PLEKHA6: variants seen among roughly 807,000 people sequenced by gnomAD.
PLEKHA6 encodes the protein pleckstrin homology domain containing A6, also known as pleckstrin homology domain-containing family A member 6.
A neutral mutation model predicts 116.7 loss-of-function variants in PLEKHA6; 60 were observed. The ratio of observed to expected loss-of-function variants is 0.51; its 90% CI spans 0.42 to 0.64. PLEKHA6 has a LOEUF of 0.64. PLEKHA6 is among the 30% of genes least tolerant of loss of function. PLEKHA6 has a pLI of 0.00. For synonymous variants in PLEKHA6, 489 were observed against 556.1 expected, an observed-to-expected ratio of 0.88 and a Z score of 1.70; for missense variants, 1,338 against 1,422.7, an observed-to-expected ratio of 0.94 and a Z score of 0.96.
At chr1:204,265,374 C>A (rs1051193036) in intron 5 of PLEKHA6, among the ~76,000 whole-genome samples, 4 of 152,182 alleles carry the variant, frequency 2.6e-5, no homozygotes, top group Non-Finnish European at 5.9e-5. Flanking sequence ...AGCGTTCAGG[C>A]ACTGTTCTAA....
Position 204,259,622 on chromosome 1 carries a change from C to T in PLEKHA6, c.643G>A (p.Gly215Ser), listed in dbSNP as rs1273689259. The change falls in exon 8 of 23, where the codon GGC (glycine) becomes AGC (serine). Residue 215 changes from glycine to serine, a missense_variant. By Grantham distance (56) the Gly-to-Ser change is moderately conservative. Around this residue, in one of 3 missense-constraint regions of PLEKHA6, gnomAD observed 1,136 missense variants for 1,163.6 expected, o/e 0.98. Coordinates refer to ENST00000272203, the MANE Select transcript of PLEKHA6 (RefSeq NM_014935.5). This position sits in a 1 kb window ranked among gnomAD's most constrained non-coding sequence, Gnocchi z 4.6. ...GGCCTTCTCTCTGCCTTCTCACAGC[C>T]TCGGCCATCACCCTCCCCTCGAGTC... Reference protein sequence around the residue: ...AKTRGEGDGRGCEKAERRPER... With the variant: ...AKTRGEGDGRSCEKAERRPER... 4 of 1,614,048 alleles carry T rather than the reference C, an allele frequency of 2.5e-6. No individual in the cohort carries two copies. In the African/African-American group the frequency reaches 5.3e-5, roughly 22 times the overall value.
intron 15 of PLEKHA6, 98 bp downstream of exon 15, chr1:204,244,766 T>C: frequency 2.2e-6 from 2 of 921,552 alleles, no homozygotes; most frequent in East Asian, 3.2e-5. Flanking sequence ...GCTGGAGGCC[T>C]GTGGGGAAGA....
intron 1 of PLEKHA6, among the ~76,000 whole-genome samples, chr1:204,376,131 C>G (rs1313431291): frequency 6.6e-6 from 1 of 152,162 alleles, no homozygotes; most frequent in Admixed American, 6.5e-5. Context: ...TCTCCAGTGC[C>G]TAGCACTGCA....
intron 17 of PLEKHA6, among the ~76,000 whole-genome samples, chr1:204,235,710 G>A (rs143710973): frequency 1.4e-4 from 21 of 152,228 alleles, no homozygotes; most frequent in African/African-American, 5.1e-4. Flanking sequence ...GGGACATGTA[G>A]GAGGACCCTG....
Position 204,257,536 on chromosome 1 carries a change from C to T in PLEKHA6, c.1341G>A (p.Leu447=). The T allele has an allele frequency of 6.3e-7, 1 of 1,593,978 alleles. No individual in the cohort carries two copies. Among genetic ancestry groups the T allele is most frequent in the Middle Eastern group, 1.7e-4 (1 of 5,892 alleles). ...LDAASSSLRR[L]SLQPRSHSVP... is the part of the protein sequence containing the mutation. ...CAGAGTGGGAGCGGGGCTGCAGGGACAGGCGGCGCAGGGAGCTAGAGGCGG... is the reference window on the plus strand; with the variant it reads ...CAGAGTGGGAGCGGGGCTGCAGGGATAGGCGGCGCAGGGAGCTAGAGGCGG... Residue 447 remains leucine (L), a synonymous_variant, in exon 9 of 23, where the codon CTG becomes CTA. Coordinates refer to ENST00000272203, the MANE Select transcript of PLEKHA6 (RefSeq NM_014935.5). This position sits in a 1 kb window ranked among gnomAD's most constrained non-coding sequence, Gnocchi z 6.5.
At chr1:204,274,040 C>T (rs1053760250) in intron 2 of PLEKHA6, among the ~76,000 whole-genome samples, 2 of 152,176 alleles carry the variant, frequency 1.3e-5, no homozygotes, top group Non-Finnish European at 2.9e-5. Flanking sequence ...CTCAAGTGAT[C>T]TTCCCACCTC....
intron 15 of PLEKHA6, 28 bp downstream of exon 15, chr1:204,244,836 C>T: frequency 6.6e-7 from 1 of 1,521,562 alleles, no homozygotes; most frequent in Non-Finnish European, 8.8e-7. Flanking sequence ...CCTCCCCCAC[C>T]TACCTTCTAC....
intron 17 of PLEKHA6, among the ~76,000 whole-genome samples, chr1:204,235,489 G>A (rs1202586711): frequency 6.6e-6 from 1 of 152,146 alleles, no homozygotes; most frequent in African/African-American, 2.4e-5. Flanking sequence ...TGCTAAGACT[G>A]TCCTGAGTTA....
chr1:204,323,821 G>GTT (rs1672149153), intron 1 of PLEKHA6, among the ~76,000 whole-genome samples: 3 of 152,216 alleles, frequency 2.0e-5, no homozygotes, highest in African/African-American at 7.2e-5. Context: ...AGCCTTTTGA[G>GTT]ATGGTTGTTG....
intron 15 of PLEKHA6, chr1:204,243,308 C>T: frequency 2.5e-6 from 1 of 399,782 alleles, no homozygotes; most frequent in Non-Finnish European, 4.4e-6. Flanking sequence ...CAAGAGCAGC[C>T]ACTGTGAGAG....
At chr1:204,337,911 A>C (rs574419361) in intron 1 of PLEKHA6, among the ~76,000 whole-genome samples, 1 of 152,390 alleles carries the variant, frequency 6.6e-6, no homozygotes, top group South Asian at 2.1e-4. Context: ...CAAAGCCTTG[A>C]GAACAAGAAG....
chr1:204,246,426 C>A (rs542055765), intron 13 of PLEKHA6, among the ~76,000 whole-genome samples: 1 of 152,298 alleles, frequency 6.6e-6, no homozygotes, highest in African/African-American at 2.4e-5. Flanking sequence ...AACCCTATCC[C>A]CCCTACTAAA....
intron 1 of PLEKHA6, among the ~76,000 whole-genome samples, chr1:204,315,426 C>T (rs1002125703): frequency 1.3e-5 from 2 of 152,176 alleles, no homozygotes; most frequent in East Asian, 1.9e-4. Context: ...AACATTTCCC[C>T]GAAAGGCCTT....
chr1:204,297,132 A>G, intron 1 of PLEKHA6: 1 of 983,010 alleles, frequency 1.0e-6, no homozygotes, highest in Non-Finnish European at 1.2e-6. Flanking sequence ...TCCGAATCAG[A>G]TGGAGAAAGT....
intron 1 of PLEKHA6, chr1:204,299,623 T>C (rs1205510272): frequency 1.0e-6 from 1 of 984,882 alleles, no homozygotes; most frequent in Non-Finnish European, 1.2e-6. Context: ...GCATTCTTTC[T>C]CCTGCACTTT....
intron 13 of PLEKHA6, among the ~76,000 whole-genome samples, chr1:204,246,972 C>CA (rs1488200995): frequency 2.0e-5 from 3 of 152,042 alleles, no homozygotes; most frequent in African/African-American, 7.2e-5. Flanking sequence ...CCTGACTCTA[C>CA]AAAAAATACA....
In PLEKHA6 at chr1:204,307,888, C is replaced by T. The variant is rs997620929; in HGVS notation, c.-94-33079G>A. 2.6e-5 allele frequency: 26 copies of T among 985,216 alleles called. No homozygotes were observed. The Admixed American group carries it at 8.6e-4, about 33-fold the overall frequency. The allele number at this position is 985,216 out of a possible 1,614,324, so 61.0% of individuals were successfully genotyped here. On this transcript the variant is annotated intron_variant, in intron 1 of 22. Transcript: ENST00000272203. ...CAGGTGCTTAAGTGGCACTCAGGAT[C>T]GAGGCAATAAGGGCAACAGGCAAGT...
At chr1:204,241,560 C>T (rs888910598) in intron 16 of PLEKHA6, 79 bp from the exon 17 acceptor site, 49 of 1,393,816 alleles carry the variant, frequency 3.5e-5, no homozygotes, top group Non-Finnish European at 4.6e-5. Context: ...ACAATCTCAG[C>T]CCCACTCTCC....
At position 204,257,307 on chromosome 1, in the gene PLEKHA6, T is replaced by C; in HGVS notation, c.1524+46A>G. 6.5e-7 allele frequency: 1 copy of C among 1,532,276 alleles called. No homozygotes were observed. Among genetic ancestry groups the C allele is most frequent in the Non-Finnish European group, 8.8e-7 (1 of 1,130,154 alleles). 94.9% of individuals were successfully genotyped at this position (1,532,276 alleles called of 1,614,324 possible). Reference sequence around the variant, plus strand: ...TTCTCAGTAGATGGTCTTAGGCTTCTGGGGACCTCAGGGGATGAGGAAGGA... The same window carrying C: ...TTCTCAGTAGATGGTCTTAGGCTTCCGGGGACCTCAGGGGATGAGGAAGGA... On this transcript the variant is annotated intron_variant, in intron 9 of 22. Transcript: ENST00000272203. This position sits in a 1 kb window ranked among gnomAD's most constrained non-coding sequence, Gnocchi z 6.5.
Sources: gnomAD v4.1 joint callset for allele counts (sites outside exome capture counted in the v4.1 genomes callset) on GRCh38, gnomAD v4.1.1 for gene constraint, gnomAD v4.1.1 regional missense constraint, Gnocchi (gnomAD v3.1) non-coding constraint, MANE v1.5 for transcripts, NCBI Gene and HGNC (gene_info 2026-07-23, HGNC 2026-07-21) for gene names.